LRRC20: variants seen among roughly 807,000 people sequenced by gnomAD.
LRRC20 encodes the protein leucine-rich repeat-containing protein 20.
In LRRC20, 11 loss-of-function variants were observed where a neutral mutation model predicts 14.4. The ratio of observed to expected loss-of-function variants is 0.77; its 90% CI spans 0.48 to 1.27. LRRC20 has a LOEUF of 1.27. Among genes scored for constraint, LRRC20 ranks in the 50% most tolerant of loss-of-function variants. LRRC20 has a pLI of 0.00. For missense variants in LRRC20, 219 were observed against 251.2 expected, an observed-to-expected ratio of 0.87 and a Z score of 0.87; for synonymous variants, 121 against 107.3, an observed-to-expected ratio of 1.13 and a Z score of -0.79.
intron 2 of LRRC20, among the ~76,000 whole-genome samples, chr10:70,375,930 A>G (rs1304634393): frequency 2.6e-5 from 4 of 152,194 alleles, no homozygotes; most frequent in African/African-American, 9.6e-5. Flanking sequence ...GCCAATTCAA[A>G]GCAAAAAAAT....
intron 3 of LRRC20, among the ~76,000 whole-genome samples, chr10:70,333,462 G>T (rs1842613627): frequency 6.6e-6 from 1 of 152,186 alleles, no homozygotes; most frequent in Non-Finnish European, 1.5e-5. Flanking sequence ...CTGCTGGGCG[G>T]TTCTTCTGCT....
chr10:70,331,864 G>A (rs1021424803), intron 3 of LRRC20, among the ~76,000 whole-genome samples: 19 of 152,134 alleles, frequency 1.2e-4, no homozygotes, highest in Non-Finnish European at 2.6e-4. Context: ...TCTTCCCCAA[G>A]TTCCTCTTAT....
intron 2 of LRRC20, 40 bp downstream of exon 2, chr10:70,376,412 T>C (rs772333927): frequency 1.1e-5 from 18 of 1,596,780 alleles, no homozygotes; most frequent in Non-Finnish European, 1.5e-5. Flanking sequence ...ATCTCACAAC[T>C]GCTTCCAGGG....
intron 2 of LRRC20, among the ~76,000 whole-genome samples, chr10:70,370,208 T>A (rs1040140386): frequency 6.6e-6 from 1 of 152,168 alleles, no homozygotes; most frequent in Non-Finnish European, 1.5e-5. Context: ...TTAATTCATA[T>A]ACAGAAGCCC....
intron 4 of LRRC20, among the ~76,000 whole-genome samples, chr10:70,322,007 T>C (rs1225773321): frequency 1.3e-5 from 2 of 152,238 alleles, no homozygotes; most frequent in South Asian, 2.1e-4. Flanking sequence ...AGAGATATTG[T>C]CAGCCTTTCA....
chr10:70,374,723 A>G (rs1844444928), intron 2 of LRRC20, among the ~76,000 whole-genome samples: 1 of 152,202 alleles, frequency 6.6e-6, no homozygotes, highest in African/African-American at 2.4e-5. Flanking sequence ...ATTGGAAGGC[A>G]GTGAGAAGAA....
At chr10:70,349,318 C>T (rs975313983) in intron 2 of LRRC20, among the ~76,000 whole-genome samples, 2 of 152,200 alleles carry the variant, frequency 1.3e-5, no homozygotes, top group Non-Finnish European at 2.9e-5. Flanking sequence ...TGGCTCATGC[C>T]TGTAATCCCA....
intron 2 of LRRC20, among the ~76,000 whole-genome samples, chr10:70,358,859 C>G (rs1411458516): frequency 6.6e-6 from 1 of 152,186 alleles, no homozygotes; most frequent in Non-Finnish European, 1.5e-5. Flanking sequence ...TGTAGGGGCA[C>G]AGGCAGCCTC....
At chr10:70,365,053 C>CTTTTTTTTTT (rs10581759) in intron 2 of LRRC20, among the ~76,000 whole-genome samples, 31 of 71,432 alleles carry the variant, frequency 4.3e-4, no homozygotes, top group African/African-American at 1.6e-3. Context: ...TGAGATTCAA[C>CTTTTTTTTTT]TTTTTTTTTT....
At position 70,324,134 on chromosome 10, in the gene LRRC20, A is replaced by AGAGGAAGCCCTAGGCCG. The variant is rs999432720; in HGVS notation, c.233-105_233-104insCGGCCTAGGGCTTCCTC. 4.8e-5 allele frequency: 43 copies of AGAGGAAGCCCTAGGCCG among 887,040 alleles called. 1 individual carries two copies. Among genetic ancestry groups the AGAGGAAGCCCTAGGCCG allele is most frequent in the Non-Finnish European group, 6.5e-5 (40 of 615,256 alleles). 54.9% of individuals were successfully genotyped at this position (887,040 alleles called of 1,614,324 possible). Reference sequence around the variant, plus strand: ...CTCACCCTGCCTGGGCCAGGAAGGCACAGAGGAAGCCCTAGGCCACAGAGG... The same window carrying AGAGGAAGCCCTAGGCCG: ...CTCACCCTGCCTGGGCCAGGAAGGCAGAGGAAGCCCTAGGCCGCAGAGGAAGCCCTAGGCCACAGAGG... On this transcript the variant is annotated intron_variant, in intron 3 of 4. Coordinates refer to ENST00000446961, the MANE Select transcript of LRRC20 (RefSeq NM_001278212.2).
At chr10:70,309,741 G>A (rs888501369) in intron 4 of LRRC20, among the ~76,000 whole-genome samples, 21 of 152,234 alleles carry the variant, frequency 1.4e-4, no homozygotes, top group African/African-American at 3.1e-4. Context: ...CTGGACTCCC[G>A]TGTCTCCTCT....
chr10:70,301,287 T>C lies in LRRC20; in HGVS notation c.*67A>G. On this transcript the variant is annotated 3_prime_UTR_variant, in exon 5 of 5. Coordinates refer to ENST00000446961, the MANE Select transcript of LRRC20 (RefSeq NM_001278212.2). ...CCCCAGGCTTGGCCTCCCATGGGCCTCCCTCCCTTCCAGGGTTCCAGGCCT... is the reference window on the plus strand; with the variant it reads ...CCCCAGGCTTGGCCTCCCATGGGCCCCCCTCCCTTCCAGGGTTCCAGGCCT... 2 of 1,511,466 alleles carry C rather than the reference T, an allele frequency of 1.3e-6. No individual in the cohort carries two copies. Among genetic ancestry groups the C allele is most frequent in the Non-Finnish European group, 1.8e-6 (2 of 1,127,024 alleles). 93.6% of individuals were successfully genotyped at this position (1,511,466 alleles called of 1,614,324 possible).
At chr10:70,364,484 T>C (rs1480769239) in intron 2 of LRRC20, among the ~76,000 whole-genome samples, 2 of 152,188 alleles carry the variant, frequency 1.3e-5, no homozygotes, top group Non-Finnish European at 2.9e-5. Context: ...ATTCAGTGGG[T>C]ATCTATTAAG....
chr10:70,359,851 T>C (rs1341033912), intron 2 of LRRC20, among the ~76,000 whole-genome samples: 3 of 152,186 alleles, frequency 2.0e-5, no homozygotes, highest in Admixed American at 1.3e-4. Flanking sequence ...CCTCTGTTCA[T>C]GTCCTCAACT....
Position 70,299,203 on chromosome 10 carries a change from G to C in LRRC20, c.*2151C>G, listed in dbSNP as rs1160412701. 6.6e-6 allele frequency: 1 copy of C among 152,398 alleles called. No individual in the cohort carries two copies. The highest frequency in any genetic ancestry group is 6.5e-5 in the Admixed American group (1 of 15,282). 9.4% of individuals were successfully genotyped at this position (152,398 alleles called of 1,614,324 possible). On this transcript the variant is annotated 3_prime_UTR_variant, in exon 5 of 5. Transcript: ENST00000446961. ...GGGTTAACCAGAAAGGCCGGGTCTG[G>C]AGGGCTGGGCACACCTAACCCTCAT...
chr10:70,341,891 C>T (rs575632753), intron 2 of LRRC20, among the ~76,000 whole-genome samples: 90 of 152,288 alleles, frequency 5.9e-4, no homozygotes, highest in Admixed American at 9.8e-4. Context: ...GCATATTGTA[C>T]AGTTTCATTA....
chr10:70,330,388 A>G (rs1329974272), intron 3 of LRRC20, among the ~76,000 whole-genome samples: 1 of 150,288 alleles, frequency 6.7e-6, no homozygotes, highest in Admixed American at 6.6e-5. Flanking sequence ...CCAAATTTAT[A>G]AGAATAAAGT....
intron 3 of LRRC20, among the ~76,000 whole-genome samples, chr10:70,328,048 T>C (rs1331226891): frequency 2.6e-5 from 4 of 152,222 alleles, no homozygotes; most frequent in African/African-American, 9.6e-5. Context: ...GACCTGGTTA[T>C]GTTCCAACTC....
intron 4 of LRRC20, among the ~76,000 whole-genome samples, chr10:70,320,752 T>C (rs774500462): frequency 2.0e-5 from 3 of 152,168 alleles, no homozygotes; most frequent in Non-Finnish European, 4.4e-5. Context: ...CGTGAGGGCA[T>C]TTAGCTACCA....
Sources: allele counts gnomAD v4.1 joint callset (sites outside exome capture counted in the v4.1 genomes callset), GRCh38; gene constraint gnomAD v4.1.1; transcripts MANE v1.5; gene names NCBI Gene and HGNC (gene_info 2026-07-23, HGNC 2026-07-21).